ARID1B: variants seen among roughly 807,000 people sequenced by gnomAD.
The protein encoded by ARID1B is AT-rich interaction domain 1B.
A neutral mutation model predicts 212.3 loss-of-function variants in ARID1B; 30 were observed. The observed-to-expected ratio is 0.14, with a 90% CI of 0.11 to 0.19. The LOEUF (loss-of-function observed/expected upper bound fraction) is 0.19. Among genes scored for constraint, ARID1B ranks in the 10% least tolerant of loss-of-function variants. The pLI, the probability that ARID1B is intolerant of heterozygous loss-of-function variation, is 1.00. For synonymous variants in ARID1B, 1,402 were observed against 1,301.7 expected (o/e 1.08, Z -1.66); for missense variants, 2,891 against 3,204.0 (o/e 0.90, Z 2.36).
intron 15 of ARID1B, chr6:157,195,515 C>T (rs964349823): frequency 2.6e-5 from 4 of 152,232 alleles, no homozygotes; most frequent in African/African-American, 9.7e-5. Flanking sequence ...TTTAAACTCA[C>T]AATCGGCTGA....
At chr6:157,005,482 G>A (rs1339472885) in intron 4 of ARID1B, among the ~76,000 whole-genome samples, 1 of 152,074 alleles carries the variant, frequency 6.6e-6, no homozygotes, top group South Asian at 2.1e-4. Context: ...TAACACAAAA[G>A]ATTTATTTTT....
At chr6:156,930,625 G>T (rs919860210) in intron 3 of ARID1B, among the ~76,000 whole-genome samples, 1 of 152,100 alleles carries the variant, frequency 6.6e-6, no homozygotes, top group Admixed American at 6.6e-5. Flanking sequence ...TATGAAGAAC[G>T]GAAGACTGGA....
intron 1 of ARID1B, among the ~76,000 whole-genome samples, chr6:156,813,011 TAC>T (rs1316981592): frequency 6.8e-6 from 1 of 147,376 alleles, no homozygotes; most frequent in South Asian, 2.1e-4. Context: ...TACATATATA[TAC>T]ACATACGTAT....
intron 6 of ARID1B, among the ~76,000 whole-genome samples, chr6:157,121,647 T>TTTTTTTTAGGGG (rs60109940): frequency 6.7e-6 from 1 of 149,352 alleles, no homozygotes. Flanking sequence ...TTTTTTTTTT[T>TTTTTTTTAGGGG]GCTGAGACGG....
At chr6:157,054,187 G>A (rs967640721) in intron 4 of ARID1B, among the ~76,000 whole-genome samples, 1 of 150,936 alleles carries the variant, frequency 6.6e-6, no homozygotes, top group Non-Finnish European at 1.5e-5. Context: ...TTGTGCCATT[G>A]CACTCCAGCC....
intron 4 of ARID1B, among the ~76,000 whole-genome samples, chr6:156,967,851 G>T (rs1794879624): frequency 6.6e-6 from 1 of 152,148 alleles, no homozygotes; most frequent in South Asian, 2.1e-4. Context: ...GATAAGATTT[G>T]CAAGGAACTT....
chr6:157,188,545 C>T (rs1471348913), intron 13 of ARID1B, among the ~76,000 whole-genome samples: 5 of 152,238 alleles, frequency 3.3e-5, no homozygotes, highest in East Asian at 3.9e-4. Context: ...GCCTTGGGAA[C>T]GTCATAGGAA....
intron 2 of ARID1B, chr6:156,829,735 A>C (rs1783012833): frequency 4.6e-6 from 1 of 216,176 alleles, no homozygotes; most frequent in African/African-American, 2.3e-5. Context: ...TGGCATTCCA[A>C]CATTTTTGTC....
chr6:156,898,844 G>A (rs543839022), intron 2 of ARID1B, among the ~76,000 whole-genome samples: 1 of 152,150 alleles, frequency 6.6e-6, no homozygotes, highest in East Asian at 1.9e-4. Context: ...GGTGGCTCAT[G>A]ACTGTAATCC....
chr6:157,127,783 CA>C (rs61172896), intron 6 of ARID1B, among the ~76,000 whole-genome samples: 3,559 of 56,688 alleles, frequency 0.063, 27 homozygotes, highest in South Asian at 0.19. Context: ...GACTCTGTCT[CA>C]AAAAAAAAAA....
At chr6:156,814,497 T>C (rs1037057824) in intron 1 of ARID1B, among the ~76,000 whole-genome samples, 16 of 152,254 alleles carry the variant, frequency 1.1e-4, no homozygotes, top group African/African-American at 3.6e-4. Context: ...GTGTTTGGAA[T>C]TGGATTGCAG....
chr6:156,982,578 G>C (rs1777672006), intron 4 of ARID1B, among the ~76,000 whole-genome samples: 1 of 151,932 alleles, frequency 6.6e-6, no homozygotes, highest in South Asian at 2.1e-4. Context: ...GGATATACTG[G>C]ATTTATTGAT....
At chr6:157,108,019 G>C (rs762577113) in intron 5 of ARID1B, 6 of 152,172 alleles carry the variant, frequency 3.9e-5, no homozygotes, top group Non-Finnish European at 8.8e-5. Flanking sequence ...AACTATGCCT[G>C]TGGAAGATCA....
At position 156,846,323 on chromosome 6, in the gene ARID1B, A is replaced by AT. The variant is rs11368033; in HGVS notation, c.1986+16917dup. ...GTGTGCACCACCACACCTGGCTAATATTTTTTTTTTTTTTTGTATTTTTAG... is the reference window on the plus strand; with the variant it reads ...GTGTGCACCACCACACCTGGCTAATATTTTTTTTTTTTTTTTGTATTTTTAG... On this transcript the variant is annotated intron_variant, in intron 2 of 19. Coordinates refer to ENST00000636930, the MANE Select transcript of ARID1B (RefSeq NM_001374828.1). Among the ~76,000 whole-genome samples the AT allele has an allele frequency of 4.5e-3, 653 of 143,716 alleles. 2 individuals are homozygous for AT. Among genetic ancestry groups the AT allele is most frequent in the African/African-American group, 0.013 (518 of 38,806 alleles). 94.3% of individuals were successfully genotyped at this position (143,716 alleles called of 152,430 possible).
chr6:156,907,797 A>G (rs1353134674), intron 3 of ARID1B, among the ~76,000 whole-genome samples: 4 of 150,290 alleles, frequency 2.7e-5, no homozygotes, highest in Non-Finnish European at 5.9e-5. Flanking sequence ...TATCCCAGCT[A>G]CTTGGGAGGC....
chr6:157,116,853 G>A (rs1232113669), intron 6 of ARID1B, among the ~76,000 whole-genome samples: 1 of 152,178 alleles, frequency 6.6e-6, no homozygotes, highest in East Asian at 1.9e-4. Flanking sequence ...TGTAGTCAAA[G>A]CACGCTGTAC....
chr6:157,020,401 C>T (rs1311222682), intron 4 of ARID1B, among the ~76,000 whole-genome samples: 1 of 151,950 alleles, frequency 6.6e-6, no homozygotes, highest in Non-Finnish European at 1.5e-5. Flanking sequence ...CTTTTTATTG[C>T]GATAATATAT....
intron 6 of ARID1B, among the ~76,000 whole-genome samples, chr6:157,121,541 T>C (rs1787710585): frequency 6.6e-6 from 1 of 152,010 alleles, no homozygotes; most frequent in South Asian, 2.1e-4. Context: ...GTTTCTTTAA[T>C]TTTTTTTCAT....
At chr6:156,856,776 A>C (rs1784981298) in intron 2 of ARID1B, among the ~76,000 whole-genome samples, 1 of 151,768 alleles carries the variant, frequency 6.6e-6, no homozygotes, top group Non-Finnish European at 1.5e-5. Context: ...GCTTAAGCCT[A>C]GTAAATCTCA....
Sources: allele counts gnomAD v4.1 joint callset (sites outside exome capture counted in the v4.1 genomes callset), GRCh38; gene constraint gnomAD v4.1.1; transcripts MANE v1.5; gene names NCBI Gene and HGNC (gene_info 2026-07-23, HGNC 2026-07-21).